MUC12: variants seen among roughly 807,000 people sequenced by gnomAD.
MUC12 encodes mucin-12.
In MUC12, 172 loss-of-function variants were observed where a neutral mutation model predicts 230.8. The ratio of observed to expected loss-of-function variants is 0.75; its 90% CI spans 0.66 to 0.85. The LOEUF is 0.85. Among genes scored for constraint, MUC12 ranks in the 40% least tolerant of loss-of-function variants. The pLI is 0.00. For missense variants in MUC12, 3,506 were observed against 5,920.6 expected, an observed-to-expected ratio of 0.59 and a Z score of 13.38; for synonymous variants, 1,259 against 2,401.9, an observed-to-expected ratio of 0.52 and a Z score of 13.91.
chr7:101,004,768 TGCAAA>T lies in MUC12; in HGVS notation c.14206_14210del (p.Ala4736IlefsTer7), dbSNP rs1793707682. 28 of 1,537,238 alleles carry T rather than the reference TGCAAA, an allele frequency of 1.8e-5. No homozygotes were observed. Among genetic ancestry groups the T allele is most frequent in the Non-Finnish European group, 2.3e-5 (26 of 1,146,720 alleles). ...GCACTGCCACAACACCAGGCCTCAG[TGCAAA>T]ATCTACCATCCTTTACAGTAGCTCC... On this transcript the variant is annotated frameshift_variant, in exon 2 of 12. Coordinates refer to ENST00000536621, the MANE Select transcript of MUC12 (RefSeq NM_001164462.2). LOFTEE classifies it high-confidence loss of function.
intron 1 of MUC12, among the ~76,000 whole-genome samples, chr7:100,974,907 C>T (rs529428928): frequency 7.2e-5 from 11 of 152,418 alleles, no homozygotes; most frequent in Non-Finnish European, 5.9e-5. Context: ...CTACCATCTT[C>T]GTTTGAAAGA....
At chr7:100,981,739 G>C (rs1355328748) in intron 1 of MUC12, among the ~76,000 whole-genome samples, 2 of 152,062 alleles carry the variant, frequency 1.3e-5, no homozygotes, top group East Asian at 3.9e-4. Flanking sequence ...ATGGTCCCCC[G>C]CATTCCACAG....
At chr7:100,978,997 TG>T (rs1181058235) in intron 1 of MUC12, among the ~76,000 whole-genome samples, 2 of 152,076 alleles carry the variant, frequency 1.3e-5, no homozygotes, top group Non-Finnish European at 2.9e-5. Context: ...TTTGTACAGA[TG>T]GGGGTCTCGC....
rs199754908 is a variant in MUC12 at position 100,990,742 on chromosome 7, C to T, written c.179C>T (p.Thr60Met). ...TATGGGGTGTCAGTCACATTTATCA[C>T]GGGCTCAACTGCAACAAAACACTTC... ...SDYGVSVTFITGSTATKHFLD... is the reference protein window; with the variant it reads ...SDYGVSVTFIMGSTATKHFLD... The change falls in exon 2 of 12, where the codon ACG (threonine) becomes ATG (methionine). Residue 60 changes from threonine (T) to methionine (M), a missense_variant. Transcript: ENST00000536621. The T allele has an allele frequency of 1.8e-5, 27 of 1,537,774 alleles. 1 individual carries two copies. Among genetic ancestry groups the T allele is most frequent in the South Asian group, 1.1e-4 (9 of 84,068 alleles).
At chr7:100,988,468 G>A (rs1044651826) in intron 1 of MUC12, among the ~76,000 whole-genome samples, 3 of 151,898 alleles carry the variant, frequency 2.0e-5, no homozygotes, top group Admixed American at 6.6e-5. Context: ...CTTCCTGTAC[G>A]GCCTGCAGAA....
chr7:101,010,262 T>A (rs1793820667), intron 5 of MUC12, among the ~76,000 whole-genome samples: 1 of 151,936 alleles, frequency 6.6e-6, no homozygotes, highest in Non-Finnish European at 1.5e-5. Context: ...GTGCATCACA[T>A]CAAGTTTCAA....
Position 101,017,602 on chromosome 7 carries a change from G to T in MUC12, c.15905G>T (p.Gly5302Val). The T allele has an allele frequency of 6.5e-7, 1 of 1,536,020 alleles. No individual in the cohort carries two copies. The highest frequency in any genetic ancestry group is 8.7e-7 in the Non-Finnish European group (1 of 1,146,148). The part of the protein sequence containing the change: ...EDQNLRESRF[G>V]LENAYNNFRP... ...CAGAATCTGAGGGAGAGCAGATTCG[G>T]CCTTGAGAACGCCTACAACAACTTC... Residue 5302 changes from glycine (G) to valine (V), a missense_variant, in exon 11 of 12, where the codon GGC becomes GTC. By Grantham distance (109) the Gly-to-Val change is moderately radical. Transcript: ENST00000536621.
rs1303864460 is a variant in MUC12, at chr7:100,991,981, G to C, written c.1418G>C (p.Gly473Ala). 1 of 1,537,780 alleles carries C rather than the reference G, an allele frequency of 6.5e-7. No individual in the cohort carries two copies. The highest frequency in any genetic ancestry group is 8.7e-7 in the Non-Finnish European group (1 of 1,147,078). The change falls in exon 2 of 12, where the codon GGC (glycine) becomes GCC (alanine). Residue 473 changes from glycine (G) to alanine (A), a missense_variant. Physicochemically the swap from Gly to Ala is moderately conservative, Grantham distance 60. Coordinates refer to ENST00000536621, the MANE Select transcript of MUC12 (RefSeq NM_001164462.2). The stretch of plus-strand genomic sequence containing the variant: ...TCGACGCCCTCACCCATCAGTTCAG[G>C]CTCAATGGAAACCACAGCGTTACCC... The part of the protein sequence containing the change: ...GDSTPSPISS[G>A]SMETTALPGS...
intron 1 of MUC12, 145 bp downstream of exon 1, chr7:100,969,834 AC>A: frequency 8.3e-7 from 1 of 1,207,322 alleles, no homozygotes; most frequent in Non-Finnish European, 1.2e-6. Context: ...CCGTGCTGTG[AC>A]CTCATCTTGC....
rs948177269 is a variant in MUC12 at position 101,005,079 on chromosome 7, C to G, written c.14516C>G (p.Ala4839Gly). 3.3e-6 allele frequency: 5 copies of G among 1,537,782 alleles called. No homozygotes were observed. The African/African-American group carries it at 6.8e-5, about 21-fold the overall frequency. Residue 4839 changes from alanine to glycine, a missense_variant, in exon 2 of 12, where the codon GCC becomes GGC. Physicochemically the swap from Ala to Gly is moderately conservative, Grantham distance 60. Coordinates refer to ENST00000536621, the MANE Select transcript of MUC12 (RefSeq NM_001164462.2). ...TCAGCTCTGTCAACAGTGTCACCTGCCAGCACCACAGTGCCAGGCCTTAGT... is the reference window on the plus strand; with the variant it reads ...TCAGCTCTGTCAACAGTGTCACCTGGCAGCACCACAGTGCCAGGCCTTAGT... The part of the protein sequence containing the change: ...PGSALSTVSP[A>G]STTVPGLSEE...
chr7:100,976,589 G>A (rs1474076077), intron 1 of MUC12, among the ~76,000 whole-genome samples: 1 of 135,290 alleles, frequency 7.4e-6, no homozygotes, highest in Non-Finnish European at 1.6e-5. Context: ...GGGCGACAGA[G>A]CGAGACTCTT....
rs1333444647 is a variant in MUC12, at chr7:101,013,224, G to A, written c.15638+82G>A. On this transcript the variant is annotated intron_variant, in intron 8 of 11. Transcript: ENST00000536621. ...TCCCCAGCAGTCACCCACAGGGTTG[G>A]GGGATTGAGTAGAGCTTGGGAGGTG... 3.4e-6 allele frequency: 5 copies of A among 1,483,540 alleles called. No homozygotes were observed. In the East Asian group the frequency reaches 7.4e-5, roughly 22 times the overall value. 91.9% of individuals were successfully genotyped at this position (1,483,540 alleles called of 1,614,324 possible).
rs967233178 is a variant in MUC12 at position 101,018,602 on chromosome 7, T to A, written c.15974T>A (p.Ile5325Asn). Reference sequence around the variant, plus strand: ...TTCTCTCCCGTCCCCCAGCTCCACATCCAGAGGCCGGAGATGGTAGCATCC... The same window carrying A: ...TTCTCTCCCGTCCCCCAGCTCCACAACCAGAGGCCGGAGATGGTAGCATCC... ...ETVDSGTELH[I>N]QRPEMVASTV Residue 5325 changes from isoleucine to asparagine, a missense_variant, in exon 12 of 12, where the codon ATC becomes AAC. By Grantham distance (149) the Ile-to-Asn change is moderately radical (BLOSUM62 -3). Coordinates refer to ENST00000536621, the MANE Select transcript of MUC12 (RefSeq NM_001164462.2). 6.5e-7 allele frequency: 1 copy of A among 1,535,444 alleles called. No individual in the cohort carries two copies. Among genetic ancestry groups the A allele is most frequent in the African/African-American group, 1.4e-5 (1 of 72,846 alleles).
In MUC12 at chr7:100,991,842, AG is replaced by A; in HGVS notation, c.1280del (p.Ser427ThrfsTer86). On this transcript the variant is annotated frameshift_variant, in exon 2 of 12. Coordinates refer to ENST00000536621, the MANE Select transcript of MUC12 (RefSeq NM_001164462.2). LOFTEE classifies it high-confidence loss of function. Reference sequence around the variant, plus strand: ...AACTGAAACAACACACTTCCGTGATAGCTCCACAATCTCAGGCCGTAGTGAG... The same window carrying A: ...AACTGAAACAACACACTTCCGTGATACTCCACAATCTCAGGCCGTAGTGAG... ...GSTETTHFRD[S>X]STISGRSEES... The A allele has an allele frequency of 6.5e-7, 1 of 1,537,700 alleles. No homozygotes were observed. The highest frequency in any genetic ancestry group is 8.7e-7 in the Non-Finnish European group (1 of 1,146,832).
At position 100,991,225 on chromosome 7, in the gene MUC12, C is replaced by G; in HGVS notation, c.662C>G (p.Ser221Cys). Residue 221 changes from serine (S) to cysteine (C), a missense_variant, in exon 2 of 12, where the codon TCT (serine) becomes TGT (cysteine). Coordinates refer to ENST00000536621, the MANE Select transcript of MUC12 (RefSeq NM_001164462.2). ...TTTPSSLGPE[S>C]TTFHSSPGYT... Reference sequence around the variant, plus strand: ...ACACCATCATCCCTTGGTCCAGAATCTACTACCTTCCACAGCAGCCCAGGC... The same window carrying G: ...ACACCATCATCCCTTGGTCCAGAATGTACTACCTTCCACAGCAGCCCAGGC... The G allele has an allele frequency of 2.0e-6, 3 of 1,537,748 alleles. No individual in the cohort carries two copies. Among genetic ancestry groups the G allele is most frequent in the Non-Finnish European group, 2.6e-6 (3 of 1,146,984 alleles).
At position 100,992,161 on chromosome 7, in the gene MUC12, C is replaced by A. The variant is rs1237975252; in HGVS notation, c.1598C>A (p.Thr533Lys). ...CACAGCCGACCAGGCTCAACACACACAACAGCATTCCCTGGCAGTACCACC... is the reference window on the plus strand; with the variant it reads ...CACAGCCGACCAGGCTCAACACACAAAACAGCATTCCCTGGCAGTACCACC... ...TSHSRPGSTH[T>K]TAFPGSTTMP... Residue 533 changes from threonine (T) to lysine (K), a missense_variant, in exon 2 of 12, where the codon ACA (threonine) becomes AAA (lysine). Thr to Lys is a moderately conservative substitution (Grantham distance 78). Coordinates refer to ENST00000536621, the MANE Select transcript of MUC12 (RefSeq NM_001164462.2). The A allele has an allele frequency of 1.7e-5, 26 of 1,537,934 alleles. No individual in the cohort carries two copies. Among genetic ancestry groups the A allele is most frequent in the Middle Eastern group, 1.7e-4 (1 of 5,996 alleles).
At chr7:101,013,803 G>C (rs141024378) in intron 8 of MUC12, 110 bp from the exon 9 acceptor site, 1 of 1,285,226 alleles carries the variant, frequency 7.8e-7, no homozygotes, top group Non-Finnish European at 1.0e-6. Flanking sequence ...AGCTCCAGCC[G>C]TTGGAGTGAG....
rs1328477392 is a variant in MUC12 at position 100,995,916 on chromosome 7, C to T, written c.5353C>T (p.Pro1785Ser). 1.0e-5 allele frequency: 12 copies of T among 1,154,720 alleles called. No individual in the cohort carries two copies. The highest frequency in any genetic ancestry group is 1.3e-5 in the Non-Finnish European group (11 of 829,560). The allele number at this position is 1,154,720 out of a possible 1,614,324, so 71.5% of individuals were successfully genotyped here. Reference protein sequence around the residue: ...SPGSTQTMHFPESSTASGRSE... With the variant: ...SPGSTQTMHFSESSTASGRSE... ...GGGCTCAACTCAAACAATGCACTTC[C>T]CTGAAAGCTCCACAGCTTCAGGTCG... Residue 1785 changes from proline to serine, a missense_variant, in exon 2 of 12, where the codon CCT becomes TCT. Transcript: ENST00000536621.
At chr7:101,005,668 C>T in intron 2 of MUC12, 149 bp downstream of exon 2, 1 of 998,794 alleles carries the variant, frequency 1.0e-6, no homozygotes, top group Non-Finnish European at 1.4e-6. Flanking sequence ...GGTTCGATAC[C>T]ACTTCCAGTG....
Sources: allele counts gnomAD v4.1 joint callset (sites outside exome capture counted in the v4.1 genomes callset), GRCh38; gene constraint gnomAD v4.1.1; transcripts MANE v1.5; gene names NCBI Gene and HGNC (gene_info 2026-07-23, HGNC 2026-07-21).